Variants in CDK15 observed in about 807,000 individuals in gnomAD.
The protein encoded by CDK15 is cyclin dependent kinase 15.
A neutral mutation model predicts 60.3 loss-of-function variants in CDK15; 62 were observed. That is an observed-to-expected ratio of 1.03 (90% CI 0.84 to 1.27). CDK15 has a LOEUF of 1.27. Among genes scored for constraint, CDK15 ranks in the 50% most tolerant of loss-of-function variants. CDK15 has a pLI of 0.00. For synonymous variants in CDK15, 194 were observed against 195.7 expected (o/e 0.99, Z 0.07); for missense variants, 541 against 527.8 (o/e 1.03, Z -0.25).
rs1574909093 is a variant in CDK15, at chr2:201,856,941, C to CAATAAAACA, written c.1009+2004_1009+2005insAATAAAACA. Among the ~76,000 whole-genome samples the CAATAAAACA allele has an allele frequency of 1.1e-3, 127 of 115,298 alleles. 8 individuals are homozygous for CAATAAAACA. The highest frequency in any genetic ancestry group is 2.1e-3 in the African/African-American group (42 of 20,158). The allele number at this position is 115,298 out of a possible 152,430, so 75.6% of individuals were successfully genotyped here. On this transcript the variant is annotated intron_variant, in intron 10 of 13. Coordinates refer to ENST00000652192, the MANE Select transcript of CDK15 (RefSeq NM_001366386.2). ...TGTGCTTAATAAGATAACTGGGTTC[C>CAATAAAACA]GGCCGGGCGCGGTGGCTCACGCCTG...
chr2:201,861,155 G>T (rs1698376571), intron 10 of CDK15: 2 of 1,026,310 alleles, frequency 1.9e-6, no homozygotes, highest in South Asian at 7.7e-5. Context: ...ACTATCTGGG[G>T]TAACTTGAGG....
chr2:201,851,073 C>A (rs1215607652), intron 9 of CDK15, among the ~76,000 whole-genome samples: 1 of 152,074 alleles, frequency 6.6e-6, no homozygotes, highest in East Asian at 1.9e-4. Context: ...GGGTGGATCA[C>A]CTGAGGTCAG....
At chr2:201,814,155 T>G (rs1695891171) in intron 4 of CDK15, among the ~76,000 whole-genome samples, 1 of 152,366 alleles carries the variant, frequency 6.6e-6, no homozygotes, top group South Asian at 2.1e-4. Flanking sequence ...GACATTTAAC[T>G]GTAACAGTGA....
rs1164263477 is a variant in CDK15, at chr2:201,876,682, G to A, written c.1059-3346G>A. The A allele has an allele frequency of 8.8e-6, 6 of 678,582 alleles. No individual in the cohort carries two copies. The East Asian group carries it at 2.7e-4, about 31-fold the overall frequency. 42.0% of individuals were successfully genotyped at this position (678,582 alleles called of 1,614,324 possible). ...TGAAACAACCCTGTGGGGAGGGTGA[G>A]GGTAGGTTCTGTTGGTTGAAATGGA... On this transcript the variant is annotated intron_variant, in intron 11 of 13. Transcript: ENST00000652192.
In CDK15 at chr2:201,807,452, A is replaced by T. The variant is rs766232066; in HGVS notation, c.124-42A>T. ...TGGTTTTACCAGGCACTGAATCTTTACTTTGCATAAATTTTATTTCTGCTC... is the reference window on the plus strand; with the variant it reads ...TGGTTTTACCAGGCACTGAATCTTTTCTTTGCATAAATTTTATTTCTGCTC... On this transcript the variant is annotated intron_variant, in intron 1 of 13. Transcript: ENST00000652192. The T allele has an allele frequency of 2.5e-6, 4 of 1,592,748 alleles. No individual in the cohort carries two copies. The South Asian group carries it at 4.5e-5, about 18-fold the overall frequency.
chr2:201,833,699 A>ATCT (rs147493518), intron 6 of CDK15, 149 bp from the exon 7 acceptor site: 3,671 of 292,238 alleles, frequency 0.013, 147 homozygotes, highest in African/African-American at 0.081. Context: ...GAATGTAAAA[A>ATCT]TCTTCTTCTT....
intron 11 of CDK15, 32 bp from the exon 12 acceptor site, chr2:201,879,996 A>G (rs572741386): frequency 7.5e-6 from 12 of 1,609,564 alleles, no homozygotes; most frequent in Admixed American, 5.1e-5. Context: ...AGGCTGCTGG[A>G]GAAACTCTAT....
intron 11 of CDK15, among the ~76,000 whole-genome samples, chr2:201,872,962 G>T (rs1170722281): frequency 6.6e-6 from 1 of 150,388 alleles, no homozygotes; most frequent in Non-Finnish European, 1.5e-5. Flanking sequence ...TCAGTGAGGA[G>T]GCAAAAAGGG....
intron 4 of CDK15, among the ~76,000 whole-genome samples, chr2:201,820,617 C>G (rs576495400): frequency 5.9e-5 from 9 of 152,144 alleles, no homozygotes; most frequent in African/African-American, 2.2e-4. Context: ...GCTTCTGGCT[C>G]CACAGACAGT....
At chr2:201,877,758 T>G (rs1699133571) in intron 11 of CDK15, among the ~76,000 whole-genome samples, 1 of 152,252 alleles carries the variant, frequency 6.6e-6, no homozygotes, top group African/African-American at 2.4e-5. Context: ...CTAACTGGCC[T>G]GGAAATTTGC....
Position 201,880,092 on chromosome 2 carries a change from C to T in CDK15, c.1123C>T (p.Arg375Cys), listed in dbSNP as rs145205966. ...SQMLKGFPRD[R>C]VSAQEALVHD... Reference sequence around the variant, plus strand: ...GATGCTAAAAGGCTTTCCCAGAGACCGCGTCTCCGCCCAGGAAGCACTTGT... The same window carrying T: ...GATGCTAAAAGGCTTTCCCAGAGACTGCGTCTCCGCCCAGGAAGCACTTGT... Residue 375 changes from arginine (R) to cysteine (C), a missense_variant, in exon 12 of 14, where the codon CGC becomes TGC. Physicochemically the swap from Arg to Cys is radical, Grantham distance 180. Coordinates refer to ENST00000652192, the MANE Select transcript of CDK15 (RefSeq NM_001366386.2). 825 of 1,614,076 alleles carry T rather than the reference C, an allele frequency of 5.1e-4. 3 individuals are homozygous for T. Among genetic ancestry groups the T allele is most frequent in the South Asian group, 7.9e-4 (72 of 91,078 alleles).
At chr2:201,856,594 C>T (rs1369743397) in intron 10 of CDK15, among the ~76,000 whole-genome samples, 1 of 152,178 alleles carries the variant, frequency 6.6e-6, no homozygotes, top group Non-Finnish European at 1.5e-5. Context: ...GCTCCTATCT[C>T]CAGTTGCCAT....
chr2:201,861,421 T>C, intron 10 of CDK15: 1 of 985,432 alleles, frequency 1.0e-6, no homozygotes, highest in East Asian at 1.1e-4. Context: ...TCATTAATCA[T>C]GTTGTATCCC....
chr2:201,888,486 G>A (rs1164561176), intron 12 of CDK15: 2 of 1,534,818 alleles, frequency 1.3e-6, no homozygotes, highest in Admixed American at 2.0e-5. Flanking sequence ...TAATTATGCT[G>A]TCAGCCTCGG....
At chr2:201,838,263 TG>T (rs1322243186) in intron 8 of CDK15, among the ~76,000 whole-genome samples, 1 of 143,094 alleles carries the variant, frequency 7.0e-6, no homozygotes, top group African/African-American at 2.6e-5. Flanking sequence ...GGTGGGGTGG[TG>T]GGGGGTATCA....
chr2:201,829,167 G>C (rs77369379), intron 6 of CDK15, among the ~76,000 whole-genome samples: 4,048 of 152,266 alleles, frequency 0.027, 166 homozygotes, highest in African/African-American at 0.092. Flanking sequence ...GTGGTGAATA[G>C]ATTGGGATGA....
At position 201,855,874 on chromosome 2, in the gene CDK15, G is replaced by A. The variant is rs1406943955; in HGVS notation, c.1009+937G>A. 3.5e-5 allele frequency among the ~76,000 whole-genome samples: 5 copies of A among 144,460 alleles called. No homozygotes were observed. The East Asian group carries it at 8.1e-4, about 23-fold the overall frequency. 94.8% of individuals were successfully genotyped at this position (144,460 alleles called of 152,430 possible). The stretch of plus-strand genomic sequence containing the variant: ...GAGTTTTGCTCTTATCGCCCAGGCT[G>A]GAGTGCAGTGGCACGATCTCGGCTC... On this transcript the variant is annotated intron_variant, in intron 10 of 13. Coordinates refer to ENST00000652192, the MANE Select transcript of CDK15 (RefSeq NM_001366386.2).
chr2:201,869,877 G>A (rs1311144021), intron 10 of CDK15, among the ~76,000 whole-genome samples: 2 of 152,232 alleles, frequency 1.3e-5, no homozygotes, highest in Non-Finnish European at 1.5e-5. Context: ...GCTGTAAATA[G>A]GCAGCAGAAA....
At chr2:201,848,750 G>T (rs1038700013) in intron 9 of CDK15, among the ~76,000 whole-genome samples, 2 of 152,036 alleles carry the variant, frequency 1.3e-5, no homozygotes, top group African/African-American at 4.8e-5. Flanking sequence ...GGGTGCAGGG[G>T]GGTACTTTAT....
Sources: allele counts gnomAD v4.1 joint callset (sites outside exome capture counted in the v4.1 genomes callset), GRCh38; gene constraint gnomAD v4.1.1; transcripts MANE v1.5; gene names NCBI Gene and HGNC (gene_info 2026-07-23, HGNC 2026-07-21).